The following CTNNA3 variants were observed in gnomAD, a reference collection of about 807,000 sequenced individuals.
The protein encoded by CTNNA3 is catenin alpha 3.
In CTNNA3, 76 loss-of-function variants were observed where a neutral mutation model predicts 95.7. The ratio of observed to expected loss-of-function variants is 0.79; its 90% CI spans 0.66 to 0.96. CTNNA3 has a LOEUF of 0.96. Ranked by LOEUF, CTNNA3 falls within the 40% of genes least tolerant of loss-of-function variation. The probability of loss-of-function intolerance (pLI) is 0.00; values close to 1 mark genes in which losing one functional copy is unlikely to be tolerated. For missense variants in CTNNA3, 1,191 were observed against 1,089.8 expected (o/e 1.09, Z -1.31); for synonymous variants, 431 against 374.4 (o/e 1.15, Z -1.74).
chr10:67,348,651 A>G (rs1347140274), intron 5 of CTNNA3, among the ~76,000 whole-genome samples: 3 of 152,102 alleles, frequency 2.0e-5, no homozygotes, highest in Non-Finnish European at 2.9e-5. Context: ...CAGATCGCAC[A>G]TGAATTCACA....
intron 5 of CTNNA3, among the ~76,000 whole-genome samples, chr10:67,460,282 T>A (rs1847325558): frequency 6.6e-6 from 1 of 152,176 alleles, no homozygotes; most frequent in African/African-American, 2.4e-5. Flanking sequence ...AATGAATTGA[T>A]GTTATTTCCA....
At chr10:65,946,337 C>T (rs2077516285) in intron 17 of CTNNA3, among the ~76,000 whole-genome samples, 1 of 152,092 alleles carries the variant, frequency 6.6e-6, no homozygotes, top group African/African-American at 2.4e-5. Context: ...TTCCACCCTT[C>T]ATTCTTTTAG....
At chr10:66,588,678 T>C (rs113563537) in intron 10 of CTNNA3, among the ~76,000 whole-genome samples, 2,298 of 152,200 alleles carry the variant, frequency 0.015, 58 homozygotes, top group African/African-American at 0.053. Context: ...ATCACTCTCA[T>C]AATCCAAAAG....
intron 7 of CTNNA3, among the ~76,000 whole-genome samples, chr10:67,072,741 C>A (rs1187780640): frequency 6.6e-6 from 1 of 152,128 alleles, no homozygotes; most frequent in African/African-American, 2.4e-5. Context: ...CAGCTCATTT[C>A]TTTATCTTAG....
At chr10:66,159,626 G>GTTTTTTTTTTTTTTT (rs34684370) in intron 13 of CTNNA3, among the ~76,000 whole-genome samples, 1 of 114,930 alleles carries the variant, frequency 8.7e-6, no homozygotes, top group Non-Finnish European at 1.8e-5. Flanking sequence ...TTTGTTTTCT[G>GTTTTTTTTTTTTTTT]TTTTTTTTTT....
At chr10:66,097,396 T>G (rs937470981) in intron 14 of CTNNA3, among the ~76,000 whole-genome samples, 1 of 152,184 alleles carries the variant, frequency 6.6e-6, no homozygotes, top group African/African-American at 2.4e-5. Context: ...ATTGTTCACT[T>G]CCTATGTGCC....
intron 1 of CTNNA3, among the ~76,000 whole-genome samples, chr10:67,734,995 G>A (rs2133635403): frequency 6.6e-6 from 1 of 152,180 alleles, no homozygotes; most frequent in Non-Finnish European, 1.5e-5. Flanking sequence ...TTCTTAAAAG[G>A]TATGCAGTAT....
At chr10:66,260,712 A>G (rs185002847) in intron 13 of CTNNA3, among the ~76,000 whole-genome samples, 13 of 152,288 alleles carry the variant, frequency 8.5e-5, no homozygotes, top group African/African-American at 2.6e-4. Flanking sequence ...AACACTTGTA[A>G]AAGTGTATGC....
intron 5 of CTNNA3, among the ~76,000 whole-genome samples, chr10:67,497,601 C>T (rs112617149): frequency 1.3e-5 from 2 of 152,246 alleles, no homozygotes; most frequent in African/African-American, 4.8e-5. Context: ...TCTGTTGTTT[C>T]CTAACTTTTT....
chr10:65,971,257 GA>G (rs932467846), intron 16 of CTNNA3, among the ~76,000 whole-genome samples: 2 of 149,870 alleles, frequency 1.3e-5, no homozygotes, highest in Admixed American at 1.3e-4. Flanking sequence ...AGAGGAGCAA[GA>G]AAAACAAGAA....
chr10:67,044,597 G>T (rs1322330362), intron 7 of CTNNA3, among the ~76,000 whole-genome samples: 2 of 152,132 alleles, frequency 1.3e-5, no homozygotes, highest in Non-Finnish European at 2.9e-5. Flanking sequence ...CTCAGAGACA[G>T]GATTTGTCTT....
At chr10:66,164,784 C>G (rs1325935134) in intron 13 of CTNNA3, among the ~76,000 whole-genome samples, 1 of 152,080 alleles carries the variant, frequency 6.6e-6, no homozygotes, top group African/African-American at 2.4e-5. Context: ...ATCAATTGAT[C>G]AAATTTGTGA....
intron 11 of CTNNA3, among the ~76,000 whole-genome samples, chr10:66,481,862 T>C (rs1293420462): frequency 6.6e-6 from 1 of 152,152 alleles, no homozygotes; most frequent in African/African-American, 2.4e-5. Flanking sequence ...TCCACGTTGG[T>C]CCATTTTGAT....
intron 13 of CTNNA3, among the ~76,000 whole-genome samples, chr10:66,119,856 T>C (rs1002349315): frequency 6.6e-6 from 1 of 152,158 alleles, no homozygotes; most frequent in African/African-American, 2.4e-5. Flanking sequence ...GTCTAATATT[T>C]ATTTATTCTG....
chr10:66,616,561 CT>C (rs1469178302), intron 10 of CTNNA3, among the ~76,000 whole-genome samples: 1 of 151,986 alleles, frequency 6.6e-6, no homozygotes, highest in Non-Finnish European at 1.5e-5. Context: ...TTTCAAATAT[CT>C]CTGCTAAATA....
chr10:66,982,561 G>T (rs1850500727), intron 7 of CTNNA3, among the ~76,000 whole-genome samples: 1 of 152,002 alleles, frequency 6.6e-6, no homozygotes, highest in Non-Finnish European at 1.5e-5. Flanking sequence ...GCAGGAAGAG[G>T]TATAAAATAT....
At chr10:66,280,377 A>G (rs2091470810) in intron 13 of CTNNA3, 93 bp downstream of exon 13, 4 of 1,104,108 alleles carry the variant, frequency 3.6e-6, no homozygotes, top group Non-Finnish European at 4.0e-6. Flanking sequence ...TTGACATTAC[A>G]GCATAGAAAT....
chr10:66,230,110 T>C (rs980012414), intron 13 of CTNNA3, among the ~76,000 whole-genome samples: 1 of 152,206 alleles, frequency 6.6e-6, no homozygotes, highest in African/African-American at 2.4e-5. Context: ...CTTTGCTAAA[T>C]GTCTCTTTCA....
intron 7 of CTNNA3, among the ~76,000 whole-genome samples, chr10:67,148,699 T>C (rs904908984): frequency 9.2e-5 from 14 of 152,196 alleles, no homozygotes; most frequent in African/African-American, 3.4e-4. Flanking sequence ...TCTTCTTACA[T>C]GTGGGAGCAA....
Sources: allele counts gnomAD v4.1 joint callset (sites outside exome capture counted in the v4.1 genomes callset), GRCh38; gene constraint gnomAD v4.1.1; transcripts MANE v1.5; gene names NCBI Gene and HGNC (gene_info 2026-07-23, HGNC 2026-07-21).